The following TYW1B variants were observed in gnomAD, a reference collection of about 807,000 sequenced individuals.
TYW1B encodes S-adenosyl-L-methionine-dependent tRNA 4-demethylwyosine synthase TYW1B.
Under a neutral mutation model 86.9 loss-of-function variants are expected in TYW1B, and 73 were observed. The observed-to-expected ratio is 0.84, with a 90% CI of 0.70 to 1.02. TYW1B has a LOEUF of 1.02. Ranked by LOEUF, TYW1B falls within the 50% of genes least tolerant of loss-of-function variation. TYW1B has a pLI of 0.00. For synonymous variants in TYW1B, 248 were observed against 292.8 expected (o/e 0.85, Z 1.56); for missense variants, 637 against 827.4 (o/e 0.77, Z 2.82).
chr7:72,805,136 C>T (rs1163848190), intron 5 of TYW1B, among the ~76,000 whole-genome samples: 3 of 151,520 alleles, frequency 2.0e-5, no homozygotes, highest in Non-Finnish European at 4.4e-5. Context: ...GATGCCAATC[C>T]AGTAAGAGAC....
intron 11 of TYW1B, among the ~76,000 whole-genome samples, chr7:72,642,176 G>A (rs1403095539): frequency 6.6e-6 from 1 of 152,116 alleles, no homozygotes; most frequent in East Asian, 1.9e-4. Context: ...TTATTCACAG[G>A]CAAATGAACC....
chr7:72,718,481 A>G (rs1188312021), intron 9 of TYW1B, among the ~76,000 whole-genome samples: 1 of 152,058 alleles, frequency 6.6e-6, no homozygotes, highest in Non-Finnish European at 1.5e-5. Context: ...AAAATGAAAC[A>G]CAAAGTGCAA....
At position 72,813,537 on chromosome 7, in the gene TYW1B, A is replaced by G. The variant is rs573492624; in HGVS notation, c.237+1843T>C. Among the ~76,000 whole-genome samples the G allele has an allele frequency of 3.0e-4, 46 of 152,290 alleles. No individual in the cohort carries two copies. In the South Asian group the frequency reaches 9.3e-3, roughly 31 times the overall value. ...ACCAGGAGCATTGTTTAAGCTCTAC[A>G]GTGCAGCCAGGCTAAGACCTGAGAT... On this transcript the variant is annotated intron_variant, in intron 3 of 13. Coordinates refer to ENST00000620995, the MANE Select transcript of TYW1B (RefSeq NM_001145440.3).
intron 8 of TYW1B, among the ~76,000 whole-genome samples, chr7:72,736,947 G>A (rs1356299835): frequency 2.6e-5 from 4 of 152,120 alleles, no homozygotes; most frequent in Non-Finnish European, 5.9e-5. Flanking sequence ...AGAATCGCTT[G>A]AACCCAGGAG....
rs556623983 is a variant in TYW1B, at chr7:72,646,352, G to C, written c.1507-17355C>G. Among the ~76,000 whole-genome samples the C allele has an allele frequency of 2.1e-3, 314 of 151,950 alleles. 2 individuals are homozygous for C. The highest frequency in any genetic ancestry group is 7.0e-3 in the African/African-American group (290 of 41,430). On this transcript the variant is annotated intron_variant, in intron 11 of 13. Transcript: ENST00000620995. ...GTTGGGATTACAGGCATAAGCCACT[G>C]TGCCTGGCCTAAAAAGTCTTTATTT... is the stretch of plus-strand genomic sequence containing the variant.
intron 13 of TYW1B, among the ~76,000 whole-genome samples, chr7:72,583,345 G>T (rs1367989494): frequency 6.6e-6 from 1 of 152,084 alleles, no homozygotes; most frequent in East Asian, 1.9e-4. Context: ...GCAAGACTCC[G>T]CCTCAAAAAA....
In TYW1B at chr7:72,709,475, T is replaced by G. The variant is rs1285691060; in HGVS notation, c.1370+4146A>C. 3.9e-5 allele frequency among the ~76,000 whole-genome samples: 6 copies of G among 152,032 alleles called. No homozygotes were observed. In the East Asian group the frequency reaches 7.8e-4, roughly 20 times the overall value. On this transcript the variant is annotated intron_variant, in intron 10 of 13. Coordinates refer to ENST00000620995, the MANE Select transcript of TYW1B (RefSeq NM_001145440.3). ...CAAGGTCAGGAGATCGAGACCATCC[T>G]GCTAACACGGTGAAACCCCTGTCTC...
At chr7:72,674,778 A>T (rs1409824117) in intron 11 of TYW1B, among the ~76,000 whole-genome samples, 3 of 42,550 alleles carry the variant, frequency 7.1e-5, no homozygotes, top group African/African-American at 6.7e-5. Flanking sequence ...TTTTTTTTTT[A>T]AAGAGATGGG....
rs1308219512 is a variant in TYW1B at position 72,758,314 on chromosome 7, G to A, written c.965-13713C>T. On this transcript the variant is annotated intron_variant, in intron 7 of 13. Coordinates refer to ENST00000620995, the MANE Select transcript of TYW1B (RefSeq NM_001145440.3). ...ATCACTTGAACTCAGGAGTTCAAGT[G>A]CAGCATAACAAGACCTGTCTCTTAA... 1.3e-5 allele frequency among the ~76,000 whole-genome samples: 2 copies of A among 152,042 alleles called. 1 individual carries two copies. The highest frequency in any genetic ancestry group is 4.8e-5 in the African/African-American group (2 of 41,386).
intron 3 of TYW1B, among the ~76,000 whole-genome samples, chr7:72,814,500 T>C (rs1255757407): frequency 5.9e-5 from 9 of 151,326 alleles, no homozygotes; most frequent in Non-Finnish European, 1.5e-5. Context: ...AGGAGAATGG[T>C]GTGAACCCGG....
intron 13 of TYW1B, among the ~76,000 whole-genome samples, chr7:72,578,137 G>A (rs111535809): frequency 7.2e-5 from 10 of 139,224 alleles, no homozygotes; most frequent in South Asian, 4.6e-4. Flanking sequence ...TTTTTGAGAC[G>A]GAGTCTCGCT....
intron 10 of TYW1B, among the ~76,000 whole-genome samples, chr7:72,696,438 ATTT>A (rs1266383257): frequency 6.6e-6 from 1 of 152,200 alleles, no homozygotes; most frequent in South Asian, 2.1e-4. Context: ...AGTTTTATGC[ATTT>A]TTTGTTTCAA....
intron 9 of TYW1B, among the ~76,000 whole-genome samples, chr7:72,717,287 C>A (rs1554456339): frequency 6.8e-6 from 1 of 147,832 alleles, no homozygotes. Flanking sequence ...GGCAACAGGG[C>A]AAGACCCTGT....
chr7:72,719,174 G>T (rs1312465566), intron 9 of TYW1B, among the ~76,000 whole-genome samples: 8 of 151,116 alleles, frequency 5.3e-5, no homozygotes, highest in African/African-American at 1.5e-4. Flanking sequence ...TTTTAGACAA[G>T]GTCTGCCTCT....
intron 7 of TYW1B, chr7:72,768,969 ATCTT>A (rs1787821275): frequency 3.0e-6 from 1 of 334,764 alleles, no homozygotes; most frequent in African/African-American, 2.2e-5. Context: ...TTACTTTACT[ATCTT>A]TCTTCTCTAC....
At chr7:72,744,455 G>A (rs782191530) in intron 8 of TYW1B, 29 bp downstream of exon 8, 35 of 1,594,806 alleles carry the variant, frequency 2.2e-5, no homozygotes, top group South Asian at 2.0e-4. Context: ...TTACATATTC[G>A]ATCACCATGA....
At chr7:72,822,584 C>T (rs1278994861) in intron 2 of TYW1B, among the ~76,000 whole-genome samples, 2 of 152,182 alleles carry the variant, frequency 1.3e-5, no homozygotes, top group Non-Finnish European at 2.9e-5. Context: ...CCTTCTGAGG[C>T]AAAAGTTTTT....
chr7:72,792,666 A>T (rs1317036015), intron 6 of TYW1B, among the ~76,000 whole-genome samples: 1 of 152,234 alleles, frequency 6.6e-6, no homozygotes, highest in Non-Finnish European at 1.5e-5. Flanking sequence ...AGCCACAAAA[A>T]ATATGAGCAA....
chr7:72,592,141 T>C (rs540709360), intron 13 of TYW1B, among the ~76,000 whole-genome samples: 35 of 139,432 alleles, frequency 2.5e-4, no homozygotes, highest in African/African-American at 8.8e-4. Context: ...TTGTTTTCTA[T>C]GTTAACACAC....
Sources: gnomAD v4.1 joint callset for allele counts (sites outside exome capture counted in the v4.1 genomes callset) on GRCh38, gnomAD v4.1.1 for gene constraint, MANE v1.5 for transcripts, NCBI Gene and HGNC (gene_info 2026-07-23, HGNC 2026-07-21) for gene names.